Variants in NACC2 observed in about 807,000 individuals in gnomAD.
NACC2 encodes the protein nucleus accumbens-associated protein 2.
A neutral mutation model predicts 25.1 loss-of-function variants in NACC2; 8 were observed. The ratio of observed to expected loss-of-function variants is 0.32; its 90% CI spans 0.19 to 0.57. The LOEUF (loss-of-function observed/expected upper bound fraction) is 0.57. Ranked by LOEUF, NACC2 falls within the 20% of genes least tolerant of loss-of-function variation. The probability of loss-of-function intolerance (pLI) is 0.89; values close to 1 mark genes in which losing one functional copy is unlikely to be tolerated. For synonymous variants in NACC2, 435 were observed against 294.7 expected, an observed-to-expected ratio of 1.48 and a Z score of -4.88; for missense variants, 644 against 650.2, an observed-to-expected ratio of 0.99 and a Z score of 0.10.
chr9:136,011,072 G>C lies in NACC2; in HGVS notation c.*444C>G, dbSNP rs1840098101. 6.5e-6 allele frequency: 1 copy of C among 154,108 alleles called. No homozygotes were observed. The highest frequency in any genetic ancestry group is 1.4e-5 in the Non-Finnish European group (1 of 69,466). 9.5% of individuals were successfully genotyped at this position (154,108 alleles called of 1,614,324 possible). Reference sequence around the variant, plus strand: ...AGCCCTGCCCCGTCGCCCCAGAGAGGTTCCATGGGGAAGGAAGGAAGGGTC... The same window carrying C: ...AGCCCTGCCCCGTCGCCCCAGAGAGCTTCCATGGGGAAGGAAGGAAGGGTC... On this transcript the variant is annotated 3_prime_UTR_variant, in exon 6 of 6. Coordinates refer to ENST00000277554, the MANE Select transcript of NACC2 (RefSeq NM_144653.5).
Position 136,055,065 on chromosome 9 carries a change from G to T in NACC2, c.-59-4485C>A, listed in dbSNP as rs539110122. On this transcript the variant is annotated intron_variant, in intron 1 of 5. Coordinates refer to ENST00000277554, the MANE Select transcript of NACC2 (RefSeq NM_144653.5). This position sits in a 1 kb window ranked among gnomAD's most constrained non-coding sequence, Gnocchi z 4.9. ...ATACAGGTGGCTGTGGTGTCGGAGT[G>T]GGGGGTCTCTCCTCTGCAGAGCCTC... is the stretch of plus-strand genomic sequence containing the variant. Among the ~76,000 whole-genome samples the T allele has an allele frequency of 3.5e-3, 534 of 152,182 alleles. 5 individuals are homozygous for T. The highest frequency in any genetic ancestry group is 6.3e-3 in the Non-Finnish European group (425 of 67,988).
At chr9:136,067,212 C>G (rs948073041) in intron 1 of NACC2, among the ~76,000 whole-genome samples, 1 of 144,688 alleles carries the variant, frequency 6.9e-6, no homozygotes, top group Non-Finnish European at 1.5e-5. Flanking sequence ...CAAGATCGCA[C>G]CAAGATCGCA....
At chr9:136,026,172 T>C (rs573825044) in intron 2 of NACC2, among the ~76,000 whole-genome samples, 2 of 151,232 alleles carry the variant, frequency 1.3e-5, no homozygotes, top group African/African-American at 4.9e-5. Context: ...AAACTCCGTC[T>C]CTACTAAAAA....
chr9:136,075,700 C>A (rs1382794543), intron 1 of NACC2, among the ~76,000 whole-genome samples: 1 of 152,226 alleles, frequency 6.6e-6, no homozygotes, highest in Non-Finnish European at 1.5e-5. Flanking sequence ...CTTCCACACG[C>A]GGGGAGGACA....
chr9:136,040,202 G>A (rs1052426576), intron 2 of NACC2, among the ~76,000 whole-genome samples: 31 of 151,998 alleles, frequency 2.0e-4, no homozygotes, highest in South Asian at 4.2e-4. Flanking sequence ...AAAATTAGCC[G>A]GGCGTGGTGG....
intron 1 of NACC2, among the ~76,000 whole-genome samples, chr9:136,090,606 A>G (rs1830424556): frequency 6.6e-6 from 1 of 152,224 alleles, no homozygotes; most frequent in African/African-American, 2.4e-5. Context: ...AGCTCTGGCC[A>G]ACAGCACAGC....
intron 1 of NACC2, among the ~76,000 whole-genome samples, chr9:136,082,494 G>A (rs1004991927): frequency 1.3e-5 from 2 of 152,210 alleles, no homozygotes; most frequent in Non-Finnish European, 2.9e-5. Flanking sequence ...TGTGCAGGGC[G>A]GAGCTGACAG....
intron 1 of NACC2, among the ~76,000 whole-genome samples, chr9:136,057,129 C>T (rs953085771): frequency 1.3e-5 from 2 of 152,318 alleles, no homozygotes; most frequent in Non-Finnish European, 2.9e-5. Flanking sequence ...TGTGGGGTGC[C>T]CGTGGCGTTG....
intron 1 of NACC2, among the ~76,000 whole-genome samples, chr9:136,069,548 A>AAAAAC (rs377428585): frequency 0.036 from 5,398 of 151,102 alleles, 370 homozygotes; most frequent in African/African-American, 0.11. Context: ...AACTCTGTCA[A>AAAAAC]AAAACAAAAC....
rs1840304554 is a variant in NACC2 at position 136,022,254 on chromosome 9, C to T, written c.887-5825G>A. 6.6e-6 allele frequency among the ~76,000 whole-genome samples: 1 copy of T among 152,312 alleles called. No individual in the cohort carries two copies. Among genetic ancestry groups the T allele is most frequent in the South Asian group, 2.1e-4 (1 of 4,830 alleles). On this transcript the variant is annotated intron_variant, in intron 2 of 5. Transcript: ENST00000277554. This position sits in a 1 kb window ranked among gnomAD's most constrained non-coding sequence, Gnocchi z 4.4. ...GGGGCACCACAGACGGGTGACCAGGCCCGGGTGATGAGGTAACGGGTGCCC... is the reference window on the plus strand; with the variant it reads ...GGGGCACCACAGACGGGTGACCAGGTCCGGGTGATGAGGTAACGGGTGCCC...
Position 136,049,724 on chromosome 9 carries a change from C to A in NACC2, c.798G>T (p.Glu266Asp), listed in dbSNP as rs903044689. The A allele has an allele frequency of 1.3e-6, 1 of 779,174 alleles. No individual in the cohort carries two copies. Among genetic ancestry groups the A allele is most frequent in the Non-Finnish European group, 2.4e-6 (1 of 417,520 alleles). The allele number at this position is 779,174 out of a possible 1,614,324, so 48.3% of individuals were successfully genotyped here. Residue 266 changes from glutamate to aspartate, a missense_variant, in exon 2 of 6, where the codon GAG becomes GAT. Glu to Asp is a conservative substitution (Grantham distance 45). Coordinates refer to ENST00000277554, the MANE Select transcript of NACC2 (RefSeq NM_144653.5). The stretch of plus-strand genomic sequence containing the variant: ...AGGCCTCGTCGTCCTCCTCGTCCTC[C>A]TCGTTGTGGTACGAGGTGGGGCTGT... ...TTDSPTSYHN[E>D]EDEEDDEAYD... is the part of the protein sequence containing the mutation.
intron 2 of NACC2, among the ~76,000 whole-genome samples, chr9:136,037,512 A>AT (rs34316222): frequency 0.34 from 49,027 of 143,454 alleles, 9,591 homozygotes; most frequent in Non-Finnish European, 0.46. Flanking sequence ...TTAAATTTTC[A>AT]TTTTTTTTTT....
rs764791272 is a variant in NACC2, at chr9:136,013,257, C to T, written c.1197G>A (p.Ser399=). The T allele has an allele frequency of 6.9e-6, 11 of 1,602,888 alleles. No individual in the cohort carries two copies. The highest frequency in any genetic ancestry group is 2.2e-5 in the South Asian group (2 of 90,866). The change falls in exon 5 of 6, where the codon TCG becomes TCA. Residue 399 remains serine, a synonymous_variant. Coordinates refer to ENST00000277554, the MANE Select transcript of NACC2 (RefSeq NM_144653.5). The surrounding 1 kb of genome is among the most constrained non-coding windows in gnomAD (Gnocchi z 6.6). ...GCTTCCGGCTGGGGTCGCTGGTGGA[C>T]GAGCGGATGCCAGTCCCGCAGCTGT... The part of the protein sequence containing the change: ...LANSCGTGIR[S]STSDPSRKPL...
chr9:136,041,170 C>T (rs1212309635), intron 2 of NACC2, among the ~76,000 whole-genome samples: 1 of 152,168 alleles, frequency 6.6e-6, no homozygotes, highest in African/African-American at 2.4e-5. Context: ...GCCTGTAATC[C>T]CAGCACTTTG....
At chr9:136,012,122 CG>C (rs1365191784) in intron 5 of NACC2, 98 bp from the exon 6 acceptor site, 32 of 1,394,684 alleles carry the variant, frequency 2.3e-5, no homozygotes, top group South Asian at 2.0e-4. Flanking sequence ...TGAGCCTCCC[CG>C]GCCGCTCCTG....
At chr9:136,072,623 G>A (rs983928983) in intron 1 of NACC2, among the ~76,000 whole-genome samples, 2 of 152,128 alleles carry the variant, frequency 1.3e-5, no homozygotes, top group Non-Finnish European at 2.9e-5. Context: ...ATGCCGAGGC[G>A]GGCGGATCAC....
In NACC2 at chr9:136,084,640, C is replaced by T. The variant is rs576822378; in HGVS notation, c.-60+10549G>A. On this transcript the variant is annotated intron_variant, in intron 1 of 5. Coordinates refer to ENST00000277554, the MANE Select transcript of NACC2 (RefSeq NM_144653.5). The surrounding 1 kb of genome is among the most constrained non-coding windows in gnomAD (Gnocchi z 5.1). ...AAGACTCAAACAGACGCGCACGCCA[C>T]GTCCATAGCGGCAGCACCAGACAGC... is the stretch of plus-strand genomic sequence containing the variant. 2.0e-5 allele frequency among the ~76,000 whole-genome samples: 3 copies of T among 152,364 alleles called. No individual in the cohort carries two copies. The highest frequency in any genetic ancestry group is 2.1e-4 in the South Asian group (1 of 4,830).
At chr9:136,081,185 A>G (rs1279831040) in intron 1 of NACC2, among the ~76,000 whole-genome samples, 5 of 152,220 alleles carry the variant, frequency 3.3e-5, no homozygotes, top group Non-Finnish European at 5.9e-5. Context: ...GGGACTCTCC[A>G]GCCACCCAGG....
chr9:136,057,621 A>G (rs991605185), intron 1 of NACC2, among the ~76,000 whole-genome samples: 9 of 152,148 alleles, frequency 5.9e-5, no homozygotes, highest in Non-Finnish European at 8.8e-5. Flanking sequence ...AATAACTTAA[A>G]AAGCCAGCGC....
Sources: allele counts gnomAD v4.1 joint callset (sites outside exome capture counted in the v4.1 genomes callset), GRCh38; gene constraint gnomAD v4.1.1; non-coding constraint Gnocchi (gnomAD v3.1); transcripts MANE v1.5; gene names NCBI Gene and HGNC (gene_info 2026-07-23, HGNC 2026-07-21).